Variants in CR2 observed in about 807,000 individuals in gnomAD.
CR2 encodes complement C3d receptor 2.
A neutral mutation model predicts 123.0 loss-of-function variants in CR2; 96 were observed. The ratio of observed to expected loss-of-function variants is 0.78; its 90% CI spans 0.66 to 0.93. The LOEUF (loss-of-function observed/expected upper bound fraction) is 0.93. Ranked by LOEUF, CR2 falls within the 40% of genes least tolerant of loss-of-function variation. CR2 has a pLI of 0.00. For synonymous variants in CR2, 484 were observed against 469.5 expected (o/e 1.03, Z -0.40); for missense variants, 1,258 against 1,361.0 (o/e 0.92, Z 1.19).
intron 2 of CR2, among the ~76,000 whole-genome samples, chr1:207,467,629 A>T (rs1658139711): frequency 6.6e-6 from 1 of 152,200 alleles, no homozygotes; most frequent in African/African-American, 2.4e-5. Flanking sequence ...CAGATTAAAG[A>T]GCTGACAAAA....
intron 18 of CR2, among the ~76,000 whole-genome samples, chr1:207,481,323 C>T (rs970678885): frequency 5.3e-5 from 8 of 151,810 alleles, no homozygotes; most frequent in Non-Finnish European, 1.0e-4. Flanking sequence ...AGATAAAGCA[C>T]GCCTATTCAA....
In CR2 at chr1:207,470,845, T is replaced by C. The variant is rs376685974; in HGVS notation, c.1331T>C (p.Val444Ala). 1.2e-6 allele frequency: 2 copies of C among 1,613,950 alleles called. No homozygotes were observed. Among genetic ancestry groups the C allele is most frequent in the Non-Finnish European group, 1.7e-6 (2 of 1,179,892 alleles). Residue 444 changes from valine to alanine, a missense_variant, in exon 7 of 20, where the codon GTG (valine) becomes GCG (alanine). Physicochemically the swap from Val to Ala is moderately conservative, Grantham distance 64. Transcript: ENST00000367057. ...AAATATAGCTGTAACCCTGGCTATG[T>C]GCTGGTGGGAGAAGAATCCATACAG... ...SIKYSCNPGY[V>A]LVGEESIQCT...
chr1:207,483,710 C>A (rs1290950259), intron 18 of CR2, among the ~76,000 whole-genome samples: 1 of 151,890 alleles, frequency 6.6e-6, no homozygotes, highest in Admixed American at 6.6e-5. Flanking sequence ...ATGAGGTGGA[C>A]CCCCTGACTC....
chr1:207,468,247 T>C (rs1658157773), intron 2 of CR2: 2 of 477,704 alleles, frequency 4.2e-6, no homozygotes, highest in Non-Finnish European at 3.8e-6. Context: ...CGATCAAGCT[T>C]GTCCAACTCG....
intron 8 of CR2, 109 bp from the exon 9 acceptor site, chr1:207,471,314 T>C (rs1658272792): frequency 1.0e-6 from 1 of 963,604 alleles, no homozygotes; most frequent in Non-Finnish European, 1.7e-6. Context: ...TACATTTTTG[T>C]TGCTATTGCT....
chr1:207,457,714 A>G (rs989691733), intron 1 of CR2, among the ~76,000 whole-genome samples: 2 of 152,154 alleles, frequency 1.3e-5, no homozygotes, highest in Non-Finnish European at 2.9e-5. Flanking sequence ...TGAAACCATT[A>G]TCATTCTCAT....
At chr1:207,479,381 T>C in intron 17 of CR2, 101 bp downstream of exon 17, 1 of 808,220 alleles carries the variant, frequency 1.2e-6, no homozygotes, top group East Asian at 2.7e-5. Flanking sequence ...ATTTAACTCA[T>C]AGGGAATGTT....
At position 207,475,006 on chromosome 1, in the gene CR2, C is replaced by T. The variant is rs147263584; in HGVS notation, c.2506C>T (p.Pro836Ser). The change falls in exon 14 of 20, where the codon CCA becomes TCA. Residue 836 changes from proline (P) to serine (S), a missense_variant. Transcript: ENST00000367057. ...ACATGGATCTTGGAGCGGGCCTTCC[C>T]CACAGTGCTTACGATCTCCTCCTGT... ...KGHGSWSGPS[P>S]QCLRSPPVTR... 5.6e-5 allele frequency: 90 copies of T among 1,613,964 alleles called. No homozygotes were observed. The highest frequency in any genetic ancestry group is 7.2e-5 in the Non-Finnish European group (85 of 1,179,998).
intron 5 of CR2, 47 bp downstream of exon 5, chr1:207,469,279 C>A (rs989140673): frequency 6.9e-7 from 1 of 1,457,460 alleles, no homozygotes; most frequent in African/African-American, 1.4e-5. Context: ...CTCAGCTTAA[C>A]TAAAAGCTTT....
chr1:207,469,982 T>C lies in CR2; in HGVS notation c.1105T>C (p.Tyr369His), dbSNP rs1011625777. ...GRMVSGQKDR[Y>H]TYNDTVIFAC... Reference sequence around the variant, plus strand: ...AATGGTATCTGGGCAGAAAGATCGATATACCTATAACGACACTGTGATATT... The same window carrying C: ...AATGGTATCTGGGCAGAAAGATCGACATACCTATAACGACACTGTGATATT... Residue 369 changes from tyrosine (Y) to histidine (H), a missense_variant, in exon 6 of 20, where the codon TAT becomes CAT. Coordinates refer to ENST00000367057, the MANE Select transcript of CR2 (RefSeq NM_001006658.3). The C allele has an allele frequency of 1.9e-6, 3 of 1,614,014 alleles. No individual in the cohort carries two copies. The highest frequency in any genetic ancestry group is 1.7e-6 in the Non-Finnish European group (2 of 1,179,928).
rs1658113245 is a variant in CR2 at position 207,466,815 on chromosome 1, T to G, written c.348T>G (p.Phe116Leu). 1 of 1,613,840 alleles carries G rather than the reference T, an allele frequency of 6.2e-7. No individual in the cohort carries two copies. Among genetic ancestry groups the G allele is most frequent in the East Asian group, 2.2e-5 (1 of 44,880 alleles). Reference sequence around the variant, plus strand: ...ACAGACATGGTGATTCTGTGACATTTGCCTGTAAAACCAACTTCTCCATGA... The same window carrying G: ...ACAGACATGGTGATTCTGTGACATTGGCCTGTAAAACCAACTTCTCCATGA... Reference protein sequence around the residue: ...TPYRHGDSVTFACKTNFSMNG... With the variant: ...TPYRHGDSVTLACKTNFSMNG... Residue 116 changes from phenylalanine (F) to leucine (L), a missense_variant, in exon 2 of 20, where the codon TTT becomes TTG. Coordinates refer to ENST00000367057, the MANE Select transcript of CR2 (RefSeq NM_001006658.3).
chr1:207,464,691 A>C (rs1386250598), intron 1 of CR2, among the ~76,000 whole-genome samples: 1 of 152,196 alleles, frequency 6.6e-6, no homozygotes, highest in Non-Finnish European at 1.5e-5. Context: ...TTTAAGTGTA[A>C]GCTTGGTTTT....
chr1:207,483,904 C>T (rs549668978), intron 18 of CR2, among the ~76,000 whole-genome samples: 13 of 152,204 alleles, frequency 8.5e-5, no homozygotes, highest in Non-Finnish European at 1.5e-4. Context: ...GGGATGAGAA[C>T]AGCCCTCAGA....
chr1:207,460,476 C>T lies in CR2; in HGVS notation c.58+6000C>T, dbSNP rs577398655. Among the ~76,000 whole-genome samples, 43 of 152,194 alleles carry T rather than the reference C, an allele frequency of 2.8e-4. No homozygotes were observed. The East Asian group carries it at 5.4e-3, about 19-fold the overall frequency. ...CCATGTTTATACTTTGACTTTCACC[C>T]GTACCTGTCTCAGACCTGTTTGAAA... On this transcript the variant is annotated intron_variant, in intron 1 of 19. Transcript: ENST00000367057.
intron 14 of CR2, 133 bp downstream of exon 14, chr1:207,475,349 T>C: frequency 1.0e-6 from 1 of 993,496 alleles, no homozygotes; most frequent in Non-Finnish European, 1.5e-6. Flanking sequence ...TTACAAGATA[T>C]TTGCCTTTTC....
At position 207,454,619 on chromosome 1, in the gene CR2, C is replaced by T. The variant is rs569341112; in HGVS notation, c.58+143C>T. On this transcript the variant is annotated intron_variant, in intron 1 of 19. Transcript: ENST00000367057. The surrounding 1 kb of genome is among the most constrained non-coding windows in gnomAD (Gnocchi z 4.3). ...TCCGCCTCCCGCTAGCTTTGAGGGA[C>T]CACTGCAATAAACCGCCTGGTCCTG... is the stretch of plus-strand genomic sequence containing the variant. 6.0e-6 allele frequency: 4 copies of T among 664,592 alleles called. No individual in the cohort carries two copies. The highest frequency in any genetic ancestry group is 1.9e-5 in the South Asian group (1 of 52,628). The allele number at this position is 664,592 out of a possible 1,614,324, so 41.2% of individuals were successfully genotyped here. A position where few individuals can be genotyped will look rare whatever the true frequency, so the allele number is the denominator to read the frequency against.
Position 207,477,975 on chromosome 1 carries a change from T to C in CR2, c.2993T>C (p.Leu998Pro). 6.2e-7 allele frequency: 1 copy of C among 1,614,036 alleles called. No homozygotes were observed. The highest frequency in any genetic ancestry group is 8.5e-7 in the Non-Finnish European group (1 of 1,179,972). Residue 998 changes from leucine to proline, a missense_variant, in exon 16 of 20, where the codon CTG (leucine) becomes CCG (proline). Coordinates refer to ENST00000367057, the MANE Select transcript of CR2 (RefSeq NM_001006658.3). ...KMYQYGAVVT[L>P]ECEDGYMLEG... ...TATCAGTATGGAGCTGTTGTAACTC[T>C]GGAGTGTGAAGATGGGTATATGCTG...
At position 207,468,725 on chromosome 1, in the gene CR2, A is replaced by G; in HGVS notation, c.634+10A>G. ...CCCCCCACATGTGAAGGTACCCTAA[A>G]TTTACAATCTATTTTAAGAATCTGG... On this transcript the variant is annotated intron_variant, in intron 3 of 19. Transcript: ENST00000367057. 2 of 1,613,930 alleles carry G rather than the reference A, an allele frequency of 1.2e-6. No homozygotes were observed. Among genetic ancestry groups the G allele is most frequent in the Non-Finnish European group, 1.7e-6 (2 of 1,179,872 alleles).
In CR2 at chr1:207,473,847, T is replaced by C. The variant is rs1658358444; in HGVS notation, c.2202T>C (p.Gly734=). ...VRQSLQELPA[G]SRVELVNTSC... ...AGAGTCTTCAAGAACTTCCAGCTGG[T>C]TCACGTGTGGAGCTAGTTAATACGT... Residue 734 remains glycine (G), a synonymous_variant, in exon 12 of 20, where the codon GGT becomes GGC. Coordinates refer to ENST00000367057, the MANE Select transcript of CR2 (RefSeq NM_001006658.3). 6 of 1,613,808 alleles carry C rather than the reference T, an allele frequency of 3.7e-6. No individual in the cohort carries two copies. In the South Asian group the frequency reaches 5.5e-5, roughly 15 times the overall value.
Sources: allele counts gnomAD v4.1 joint callset (sites outside exome capture counted in the v4.1 genomes callset), GRCh38; gene constraint gnomAD v4.1.1; non-coding constraint Gnocchi (gnomAD v3.1); transcripts MANE v1.5; gene names NCBI Gene and HGNC (gene_info 2026-07-23, HGNC 2026-07-21).